CPNE8: variants seen among roughly 807,000 people sequenced by gnomAD.
CPNE8 encodes the protein copine 8.
Under a neutral mutation model 81.5 loss-of-function variants are expected in CPNE8, and 45 were observed. The ratio of observed to expected loss-of-function variants is 0.55; its 90% CI spans 0.44 to 0.71. The LOEUF is 0.71. CPNE8 is among the 30% of genes least tolerant of loss of function. CPNE8 has a pLI of 0.00. For missense variants in CPNE8, 594 were observed against 672.1 expected (o/e 0.88, Z 1.28); for synonymous variants, 252 against 226.3 (o/e 1.11, Z -1.02).
rs898486285 is a variant in CPNE8 at position 38,680,411 on chromosome 12, A to T, written c.1272-2857T>A. 7.2e-5 allele frequency among the ~76,000 whole-genome samples: 11 copies of T among 152,034 alleles called. 1 individual carries two copies. Among genetic ancestry groups the T allele is most frequent in the Non-Finnish European group, 1.5e-4 (10 of 67,886 alleles). On this transcript the variant is annotated intron_variant, in intron 16 of 19. Coordinates refer to ENST00000331366, the MANE Select transcript of CPNE8 (RefSeq NM_153634.3). ...GTAGCAGAGCAAATTTTATGTTACT[A>T]AGTGTCACCCCAAACTACTTTTGAC...
At chr12:38,803,424 A>G (rs1210599747) in intron 6 of CPNE8, among the ~76,000 whole-genome samples, 1 of 150,496 alleles carries the variant, frequency 6.6e-6, no homozygotes, top group Non-Finnish European at 1.5e-5. Flanking sequence ...TTATCTCAAT[A>G]GATGCAGAAA....
At chr12:38,668,102 T>C (rs558756180) in intron 19 of CPNE8, among the ~76,000 whole-genome samples, 51 of 152,332 alleles carry the variant, frequency 3.3e-4, no homozygotes, top group African/African-American at 1.2e-3. Context: ...CCCGGTTGGA[T>C]TCTGACTTTC....
chr12:38,793,529 T>A (rs1406951726), intron 6 of CPNE8, among the ~76,000 whole-genome samples: 1 of 151,734 alleles, frequency 6.6e-6, no homozygotes, highest in Non-Finnish European at 1.5e-5. Context: ...TGAAAAACAT[T>A]TACAATTAAA....
intron 1 of CPNE8, among the ~76,000 whole-genome samples, chr12:38,895,040 C>T (rs1345136446): frequency 6.6e-6 from 1 of 152,094 alleles, no homozygotes. Context: ...TCATTACACT[C>T]TCTGACATTT....
chr12:38,888,627 A>G (rs1376971117), intron 1 of CPNE8, among the ~76,000 whole-genome samples: 1 of 152,200 alleles, frequency 6.6e-6, no homozygotes, highest in Non-Finnish European at 1.5e-5. Context: ...CCTAATATGT[A>G]TGTTTCATCC....
chr12:38,798,310 T>C (rs1942556709), intron 6 of CPNE8, among the ~76,000 whole-genome samples: 1 of 151,934 alleles, frequency 6.6e-6, no homozygotes, highest in African/African-American at 2.4e-5. Context: ...AAAGGTCGGG[T>C]TACCCACAAA....
intron 6 of CPNE8, among the ~76,000 whole-genome samples, chr12:38,795,567 C>T (rs978364537): frequency 1.3e-5 from 2 of 152,108 alleles, no homozygotes; most frequent in Non-Finnish European, 2.9e-5. Flanking sequence ...AATCCCATAA[C>T]ATACTACAAG....
At chr12:38,735,860 G>A (rs987744333) in intron 10 of CPNE8, among the ~76,000 whole-genome samples, 1 of 151,550 alleles carries the variant, frequency 6.6e-6, no homozygotes, top group Non-Finnish European at 1.5e-5. Flanking sequence ...ATAAAGTCCT[G>A]GTTCATGTTT....
chr12:38,892,623 C>T (rs1008250901), intron 1 of CPNE8, among the ~76,000 whole-genome samples: 2 of 152,190 alleles, frequency 1.3e-5, no homozygotes, highest in Non-Finnish European at 2.9e-5. Context: ...ATACATGACT[C>T]ACAGTGTTGG....
chr12:38,790,768 C>A (rs1942304354), intron 6 of CPNE8, among the ~76,000 whole-genome samples: 1 of 151,412 alleles, frequency 6.6e-6, no homozygotes, highest in African/African-American at 2.4e-5. Flanking sequence ...AAAACAACAA[C>A]AAACAAACAA....
intron 14 of CPNE8, among the ~76,000 whole-genome samples, chr12:38,695,864 C>T (rs933976950): frequency 2.0e-5 from 3 of 151,980 alleles, no homozygotes; most frequent in Non-Finnish European, 2.9e-5. Context: ...CACTTGAGTC[C>T]GGGAGGTCAA....
At chr12:38,814,309 CTTTTT>C (rs61444154) in intron 6 of CPNE8, among the ~76,000 whole-genome samples, 36 of 49,186 alleles carry the variant, frequency 7.3e-4, no homozygotes, top group African/African-American at 2.3e-3. Context: ...CCAGACCTGG[CTTTTT>C]TTTTTTTTTT....
intron 1 of CPNE8, among the ~76,000 whole-genome samples, chr12:38,902,922 T>C (rs913145974): frequency 1.3e-5 from 2 of 152,154 alleles, no homozygotes; most frequent in Non-Finnish European, 2.9e-5. Flanking sequence ...ACCATAACTA[T>C]TCTTATTTTT....
chr12:38,814,413 T>C (rs1001596025), intron 6 of CPNE8, among the ~76,000 whole-genome samples: 2 of 143,662 alleles, frequency 1.4e-5, no homozygotes, highest in Non-Finnish European at 3.0e-5. Flanking sequence ...ACCTCCTGGG[T>C]TCAAGCAATC....
At chr12:38,792,149 A>G (rs1052734023) in intron 6 of CPNE8, among the ~76,000 whole-genome samples, 3 of 151,400 alleles carry the variant, frequency 2.0e-5, no homozygotes, top group Non-Finnish European at 4.4e-5. Context: ...TCTCAAGTCA[A>G]CAACCTAACT....
intron 2 of CPNE8, among the ~76,000 whole-genome samples, chr12:38,874,015 G>A (rs1183947316): frequency 2.0e-5 from 3 of 149,354 alleles, no homozygotes; most frequent in African/African-American, 7.4e-5. Flanking sequence ...GCCCAGGCTG[G>A]TCTTGAACTC....
intron 19 of CPNE8, among the ~76,000 whole-genome samples, chr12:38,658,705 C>A (rs557657554): frequency 6.6e-5 from 10 of 152,314 alleles, no homozygotes; most frequent in African/African-American, 2.4e-4. Flanking sequence ...GATCTCTCAG[C>A]AGAAACCCTA....
chr12:38,896,471 C>T (rs767987542), intron 1 of CPNE8, among the ~76,000 whole-genome samples: 1 of 152,110 alleles, frequency 6.6e-6, no homozygotes, highest in Non-Finnish European at 1.5e-5. Context: ...CAGGCAATAA[C>T]TACTTGCCTT....
intron 1 of CPNE8, among the ~76,000 whole-genome samples, chr12:38,876,744 A>G (rs1157959002): frequency 6.6e-6 from 1 of 152,242 alleles, no homozygotes; most frequent in Non-Finnish European, 1.5e-5. Context: ...TGAATATAAT[A>G]GAATAGATTA....
Sources: allele counts gnomAD v4.1 joint callset (sites outside exome capture counted in the v4.1 genomes callset), GRCh38; gene constraint gnomAD v4.1.1; transcripts MANE v1.5; gene names NCBI Gene and HGNC (gene_info 2026-07-23, HGNC 2026-07-21).